The following ZBTB38 variants were observed in gnomAD, a reference collection of about 807,000 sequenced individuals.
ZBTB38 encodes the protein zinc finger and BTB domain containing 38.
Under a neutral mutation model 76.8 loss-of-function variants are expected in ZBTB38, and 20 were observed. The observed-to-expected ratio is 0.26, with a 90% CI of 0.18 to 0.38. The LOEUF (loss-of-function observed/expected upper bound fraction) is 0.38, where lower values mean the gene tolerates loss of function less well. Ranked by LOEUF, ZBTB38 falls within the 10% of genes least tolerant of loss-of-function variation. The probability of loss-of-function intolerance (pLI) is 1.00; values close to 1 mark genes in which losing one functional copy is unlikely to be tolerated. For synonymous variants in ZBTB38, 504 were observed against 544.2 expected (o/e 0.93, Z 1.03); for missense variants, 1,082 against 1,482.3 (o/e 0.73, Z 4.43).
In ZBTB38 at chr3:141,448,426, G is replaced by A. The variant is rs1212769416; in HGVS notation, c.*2450G>A. 1 of 152,510 alleles carries A rather than the reference G, an allele frequency of 6.6e-6. No individual in the cohort carries two copies. Among genetic ancestry groups the A allele is most frequent in the Non-Finnish European group, 1.5e-5 (1 of 67,990 alleles). The allele number at this position is 152,510 out of a possible 1,614,324, so 9.4% of individuals were successfully genotyped here. A position where few individuals can be genotyped will look rare whatever the true frequency, so the allele number is the denominator to read the frequency against. ...ACAATTTATAGCAGAGCCGTTTTAA[G>A]ACAGCCTTGTCACATTTTTTTGTTA... On this transcript the variant is annotated 3_prime_UTR_variant, in exon 6 of 6. Transcript: ENST00000321464.
chr3:141,328,274 C>G (rs1942735871), intron 1 of ZBTB38, among the ~76,000 whole-genome samples: 1 of 152,144 alleles, frequency 6.6e-6, no homozygotes, highest in Admixed American at 6.6e-5. Flanking sequence ...GCCTCATCTA[C>G]CACTTATTTG....
intron 5 of ZBTB38, among the ~76,000 whole-genome samples, chr3:141,424,135 T>C (rs2150261236): frequency 6.6e-6 from 1 of 152,384 alleles, no homozygotes; most frequent in East Asian, 1.9e-4. Context: ...TTATTGATGA[T>C]CTAAGTATTT....
chr3:141,427,937 A>T (rs907430524), intron 5 of ZBTB38: 2 of 152,262 alleles, frequency 1.3e-5, no homozygotes, highest in African/African-American at 4.8e-5. Context: ...GCTGTGGGGC[A>T]GACACAGATT....
intron 5 of ZBTB38, among the ~76,000 whole-genome samples, chr3:141,436,921 A>G (rs1027120547): frequency 6.6e-6 from 1 of 152,204 alleles, no homozygotes; most frequent in Admixed American, 6.5e-5. Flanking sequence ...CATGGCTTAC[A>G]GTGGGCCTCC....
rs566854955 is a variant in ZBTB38, at chr3:141,445,234, G to A, written c.2846G>A (p.Ser949Asn). The change falls in exon 6 of 6, where the codon AGC (serine) becomes AAC (asparagine). Residue 949 changes from serine (S) to asparagine (N), a missense_variant. By Grantham distance (46) the Ser-to-Asn change is conservative. This residue lies in a region of ZBTB38 where 471 missense variants were observed against 581.0 expected (regional missense o/e 0.81). Coordinates refer to ENST00000321464, the MANE Select transcript of ZBTB38 (RefSeq NM_001376113.1). This position sits in a 1 kb window ranked among gnomAD's most constrained non-coding sequence, Gnocchi z 6.5. ...AAGGAGCACGGAAACAGGAGCCCGA[G>A]CCATAAATGTAAATACCCAGCAGAA... Reference protein sequence around the residue: ...WRKEHGNRSPSHKCKYPAELD... With the variant: ...WRKEHGNRSPNHKCKYPAELD... The A allele has an allele frequency of 1.9e-6, 3 of 1,614,192 alleles. No individual in the cohort carries two copies. In the South Asian group the frequency reaches 3.3e-5, roughly 18 times the overall value.
intron 2 of ZBTB38, among the ~76,000 whole-genome samples, chr3:141,374,561 C>T (rs1252467179): frequency 6.6e-6 from 1 of 152,010 alleles, no homozygotes; most frequent in Non-Finnish European, 1.5e-5. Context: ...AACCCCTCAC[C>T]CCAACCCCAC....
chr3:141,337,283 G>A (rs1026542154), intron 1 of ZBTB38, among the ~76,000 whole-genome samples: 2 of 152,330 alleles, frequency 1.3e-5, no homozygotes, highest in South Asian at 2.1e-4. Flanking sequence ...GTCCAAACAC[G>A]TAGAAATGCC....
chr3:141,329,496 G>A (rs1016125237), intron 1 of ZBTB38, among the ~76,000 whole-genome samples: 17 of 152,298 alleles, frequency 1.1e-4, no homozygotes, highest in African/African-American at 3.6e-4. Context: ...CACAAGCAGA[G>A]TATTATACAT....
chr3:141,442,986 A>G lies in ZBTB38; in HGVS notation c.598A>G (p.Ser200Gly). The change falls in exon 6 of 6, where the codon AGC becomes GGC. Residue 200 changes from serine (S) to glycine (G), a missense_variant. Coordinates refer to ENST00000321464, the MANE Select transcript of ZBTB38 (RefSeq NM_001376113.1). This position sits in a 1 kb window ranked among gnomAD's most constrained non-coding sequence, Gnocchi z 6.4. ...GGTCTCCGACTCCATGAGAACAGCT[A>G]GCCTTTGCCTGGAGAGGACGGACGT... Reference protein sequence around the residue: ...KKVSDSMRTASLCLERTDVCH... With the variant: ...KKVSDSMRTAGLCLERTDVCH... 1 of 1,614,270 alleles carries G rather than the reference A, an allele frequency of 6.2e-7. No homozygotes were observed. The highest frequency in any genetic ancestry group is 1.1e-5 in the South Asian group (1 of 91,090).
intron 1 of ZBTB38, among the ~76,000 whole-genome samples, chr3:141,346,598 G>GT (rs1278685403): frequency 6.6e-6 from 1 of 152,174 alleles, no homozygotes; most frequent in African/African-American, 2.4e-5. Context: ...TTGGTGTAAA[G>GT]TTTTACTGAA....
At chr3:141,419,304 A>C (rs1292519602) in intron 5 of ZBTB38, among the ~76,000 whole-genome samples, 1 of 152,242 alleles carries the variant, frequency 6.6e-6, no homozygotes, top group Non-Finnish European at 1.5e-5. Context: ...CCCCTCCTCC[A>C]GTTCAACATG....
chr3:141,368,486 C>G (rs1372547500), upstream of ZBTB38: 1 of 152,212 alleles, frequency 6.6e-6, no homozygotes, highest in African/African-American at 2.4e-5. Flanking sequence ...ACTGGCCTCC[C>G]TCTGAAGCCA....
rs1029275918 is a variant in ZBTB38 at position 141,449,723 on chromosome 3, T to C, written c.*3747T>C. ...TTATCTGCTAAAACTAACTTCATTA[T>C]GTACAAGAACAACAGATTTAATATT... is the stretch of plus-strand genomic sequence containing the variant. On this transcript the variant is annotated 3_prime_UTR_variant, in exon 6 of 6. Coordinates refer to ENST00000321464, the MANE Select transcript of ZBTB38 (RefSeq NM_001376113.1). 1.3e-5 allele frequency: 2 copies of C among 152,230 alleles called. No individual in the cohort carries two copies. The highest frequency in any genetic ancestry group is 4.8e-5 in the African/African-American group (2 of 41,460). 9.4% of individuals were successfully genotyped at this position (152,230 alleles called of 1,614,324 possible). A position where few individuals can be genotyped will look rare whatever the true frequency, so the allele number is the denominator to read the frequency against.
In ZBTB38 at chr3:141,444,058, A is replaced by G. The variant is rs772789711; in HGVS notation, c.1670A>G (p.Lys557Arg). 3.7e-6 allele frequency: 6 copies of G among 1,614,172 alleles called. No individual in the cohort carries two copies. In the Admixed American group the frequency reaches 1.0e-4, roughly 27 times the overall value. The stretch of plus-strand genomic sequence containing the variant: ...AAAAAAACAGCAAATGGAGGCTTGA[A>G]GCCTAGTGTCTATCCGTATAAACTT... ...ISKKTANGGL[K>R]PSVYPYKLYR... Residue 557 changes from lysine to arginine, a missense_variant, in exon 6 of 6, where the codon AAG becomes AGG. Lys to Arg is a conservative substitution (Grantham distance 26). This residue lies in a region of ZBTB38 where 471 missense variants were observed against 581.0 expected (regional missense o/e 0.81). Coordinates refer to ENST00000321464, the MANE Select transcript of ZBTB38 (RefSeq NM_001376113.1). The surrounding 1 kb of genome is among the most constrained non-coding windows in gnomAD (Gnocchi z 5.1).
chr3:141,440,332 A>G (rs112030821), intron 5 of ZBTB38, among the ~76,000 whole-genome samples: 2 of 152,296 alleles, frequency 1.3e-5, no homozygotes, highest in African/African-American at 4.8e-5. Flanking sequence ...CTTTTTTCCT[A>G]TGACTGGATA....
chr3:141,440,011 CA>C (rs974752755), intron 5 of ZBTB38, among the ~76,000 whole-genome samples: 3 of 152,178 alleles, frequency 2.0e-5, no homozygotes, highest in Non-Finnish European at 4.4e-5. Context: ...TTTCTCCCTT[CA>C]GGGGCAAAGA....
chr3:141,375,690 G>A (rs1459547852), intron 2 of ZBTB38, among the ~76,000 whole-genome samples: 1 of 152,240 alleles, frequency 6.6e-6, no homozygotes, highest in African/African-American at 2.4e-5. Flanking sequence ...CAGGGCAAGT[G>A]CCAGACTAAA....
intron 1 of ZBTB38, among the ~76,000 whole-genome samples, chr3:141,356,184 A>G (rs929630221): frequency 1.3e-5 from 2 of 152,136 alleles, no homozygotes; most frequent in African/African-American, 4.8e-5. Flanking sequence ...GAAAGAAAGC[A>G]TTAACTGTAG....
chr3:141,408,416 G>A (rs539751416), intron 5 of ZBTB38, among the ~76,000 whole-genome samples: 73 of 152,204 alleles, frequency 4.8e-4, no homozygotes, highest in African/African-American at 1.6e-3. Flanking sequence ...GCATGGTGGC[G>A]CACACCTGTA....
Sources: allele counts gnomAD v4.1 joint callset (sites outside exome capture counted in the v4.1 genomes callset), GRCh38; gene constraint gnomAD v4.1.1; regional missense constraint gnomAD v4.1.1; non-coding constraint Gnocchi (gnomAD v3.1); transcripts MANE v1.5; gene names NCBI Gene and HGNC (gene_info 2026-07-23, HGNC 2026-07-21).